Variants in TRMT44 observed in about 807,000 individuals in gnomAD.
TRMT44 encodes the protein probable tRNA (uracil-O(2)-)-methyltransferase.
A neutral mutation model predicts 77.3 loss-of-function variants in TRMT44; 78 were observed. The observed-to-expected ratio is 1.01, with a 90% CI of 0.84 to 1.22. The LOEUF (loss-of-function observed/expected upper bound fraction) is 1.22, where lower values mean the gene tolerates loss of function less well. Among genes scored for constraint, TRMT44 ranks in the 50% most tolerant of loss-of-function variants. The pLI, the probability that TRMT44 is intolerant of heterozygous loss-of-function variation, is 0.00. For missense variants in TRMT44, 1,090 were observed against 964.4 expected, an observed-to-expected ratio of 1.13 and a Z score of -1.73; for synonymous variants, 391 against 383.3, an observed-to-expected ratio of 1.02 and a Z score of -0.23.
In TRMT44 at chr4:8,476,145, C is replaced by A. The variant is rs572482602; in HGVS notation, c.*144C>A. ...TTCTCCACATCCTCACAGTGATGAA[C>A]CGTATTTCATAAACATCACACGCCA... On this transcript the variant is annotated 3_prime_UTR_variant, in exon 11 of 11. Coordinates refer to ENST00000389737, the MANE Select transcript of TRMT44 (RefSeq NM_152544.3). The A allele has an allele frequency of 8.0e-5, 58 of 720,710 alleles. No homozygotes were observed. The highest frequency in any genetic ancestry group is 1.0e-4 in the Non-Finnish European group (46 of 440,548). 44.6% of individuals were successfully genotyped at this position (720,710 alleles called of 1,614,324 possible).
chr4:8,462,828 T>C (rs532815225), intron 6 of TRMT44, among the ~76,000 whole-genome samples: 4 of 152,378 alleles, frequency 2.6e-5, no homozygotes, highest in Non-Finnish European at 5.9e-5. Context: ...ATGTCAGTTA[T>C]GCTTTAATTT....
chr4:8,487,767 G>T (rs1727863490), intron 2 of TRMT44, among the ~76,000 whole-genome samples: 1 of 152,108 alleles, frequency 6.6e-6, no homozygotes, highest in South Asian at 2.1e-4. Context: ...GAGAGAAGGG[G>T]TTGGGGTACT....
the TRMT44 span, among the ~76,000 whole-genome samples, chr4:8,500,781 C>G: frequency 6.6e-6 from 1 of 152,048 alleles, no homozygotes; most frequent in Admixed American, 6.5e-5. Flanking sequence ...CCTCAGCCTC[C>G]CGAGTAGCTG....
intron 2 of TRMT44, among the ~76,000 whole-genome samples, chr4:8,484,396 A>T (rs1011477659): frequency 1.3e-5 from 2 of 152,162 alleles, no homozygotes; most frequent in African/African-American, 4.8e-5. Context: ...GTGAGGAAGA[A>T]CATAGATTTT....
chr4:8,464,049 A>G lies in TRMT44; in HGVS notation c.1268A>G (p.His423Arg), dbSNP rs1663186807. Residue 423 changes from histidine (H) to arginine (R), a missense_variant, in exon 7 of 11, where the codon CAT becomes CGT. Physicochemically the swap from His to Arg is conservative, Grantham distance 29. Transcript: ENST00000389737. ...FPDVDWLIGN[H>R]SDELTPWIPV... ...GATGTTGATTGGTTAATCGGTAACC[A>G]TTCTGATGAACTCACACCATGGATA... 1.9e-6 allele frequency: 3 copies of G among 1,614,050 alleles called. No individual in the cohort carries two copies.
At chr4:8,465,689 T>A in intron 8 of TRMT44, 128 bp downstream of exon 8, 1 of 816,976 alleles carries the variant, frequency 1.2e-6, no homozygotes, top group African/African-American at 1.7e-5. Context: ...GGTGCTGATT[T>A]CTGTGCCTCT....
chr4:8,467,098 C>T lies in TRMT44; in HGVS notation c.1495-816C>T, dbSNP rs190156753. Among the ~76,000 whole-genome samples the T allele has an allele frequency of 8.5e-5, 13 of 152,322 alleles. No individual in the cohort carries two copies. In the East Asian group the frequency reaches 1.9e-3, roughly 23 times the overall value. Reference sequence around the variant, plus strand: ...GAAGGGCACCCTCCATCGGGGTGTGCGGCAAAGGGAGGCAAGCACGCATGG... The same window carrying T: ...GAAGGGCACCCTCCATCGGGGTGTGTGGCAAAGGGAGGCAAGCACGCATGG... On this transcript the variant is annotated intron_variant, in intron 8 of 10. Coordinates refer to ENST00000389737, the MANE Select transcript of TRMT44 (RefSeq NM_152544.3).
In TRMT44 at chr4:8,476,305, G is replaced by A. The variant is rs1029581118; in HGVS notation, c.*304G>A. 3.9e-5 allele frequency: 16 copies of A among 408,776 alleles called. No individual in the cohort carries two copies. Among genetic ancestry groups the A allele is most frequent in the South Asian group, 1.1e-4 (4 of 37,790 alleles). The allele number at this position is 408,776 out of a possible 1,614,324, so 25.3% of individuals were successfully genotyped here. ...CTTACAATGTCTCCTGGGGGAGAGC[G>A]GCTGAGGCTGCCTTGCACAGGCCCT... is the stretch of plus-strand genomic sequence containing the variant. On this transcript the variant is annotated 3_prime_UTR_variant, in exon 11 of 11. Coordinates refer to ENST00000389737, the MANE Select transcript of TRMT44 (RefSeq NM_152544.3).
At chr4:8,486,966 C>T (rs191972892) in intron 2 of TRMT44, among the ~76,000 whole-genome samples, 59 of 152,044 alleles carry the variant, frequency 3.9e-4, no homozygotes, top group African/African-American at 1.0e-3. Context: ...GACTCAGTGA[C>T]GCTTGGGGTT....
chr4:8,481,497 C>A (rs1727612237), downstream of TRMT44, among the ~76,000 whole-genome samples: 1 of 152,220 alleles, frequency 6.6e-6, no homozygotes, highest in African/African-American at 2.4e-5. Context: ...TCTTCGTCGA[C>A]AACCTGATGC....
intron 2 of TRMT44, among the ~76,000 whole-genome samples, chr4:8,492,877 T>C (rs1190699314): frequency 6.6e-6 from 1 of 152,218 alleles, no homozygotes; most frequent in East Asian, 1.9e-4. Context: ...ATACCTTACA[T>C]ATACTGATTG....
the TRMT44 span, chr4:8,511,152 C>T: frequency 1.2e-4 from 18 of 152,388 alleles, no homozygotes; most frequent in African/African-American, 4.1e-4. Context: ...GGGGAAGTGT[C>T]TATGCTTAGT....
chr4:8,466,863 T>G (rs1726591330), intron 8 of TRMT44, among the ~76,000 whole-genome samples: 1 of 152,174 alleles, frequency 6.6e-6, no homozygotes, highest in South Asian at 2.1e-4. Flanking sequence ...ACAGCACATG[T>G]CTGGTGGGGA....
chr4:8,469,178 C>G (rs535715451), intron 9 of TRMT44, among the ~76,000 whole-genome samples: 1 of 152,224 alleles, frequency 6.6e-6, no homozygotes, highest in Non-Finnish European at 1.5e-5. Context: ...GGGATGGGAC[C>G]GGGCCATGGA....
chr4:8,481,554 C>G (rs1727613832), downstream of TRMT44, among the ~76,000 whole-genome samples: 1 of 152,216 alleles, frequency 6.6e-6, no homozygotes, highest in Admixed American at 6.5e-5. Flanking sequence ...CTTTCCTGTC[C>G]CGCTGCTGCC....
intron 2 of TRMT44, among the ~76,000 whole-genome samples, chr4:8,487,532 G>A (rs1727849890): frequency 6.6e-6 from 1 of 151,602 alleles, no homozygotes; most frequent in South Asian, 2.1e-4. Flanking sequence ...GGGGTGTAGA[G>A]GTAAGAGGTC....
intron 10 of TRMT44, 29 bp downstream of exon 10, chr4:8,471,229 C>T: frequency 7.2e-7 from 1 of 1,380,192 alleles, no homozygotes; most frequent in Non-Finnish European, 9.9e-7. Flanking sequence ...CCCCGCCGTT[C>T]TTTCCTTCTT....
Position 8,440,956 on chromosome 4 carries a change from C to T in TRMT44, c.134C>T (p.Ala45Val). 1.3e-6 allele frequency: 2 copies of T among 1,529,002 alleles called. No homozygotes were observed. Among genetic ancestry groups the T allele is most frequent in the Non-Finnish European group, 1.7e-6 (2 of 1,144,942 alleles). The allele number at this position is 1,529,002 out of a possible 1,614,324, so 94.7% of individuals were successfully genotyped here. Residue 45 changes from alanine to valine, a missense_variant, in exon 1 of 11, where the codon GCC becomes GTC. Transcript: ENST00000389737. The part of the protein sequence containing the change: ...NKRLCGARLE[A>V]RWSAALPCAE... ...CGGCTTTGCGGCGCCCGCCTGGAGG[C>T]CCGCTGGAGCGCCGCCCTGCCCTGC...
In TRMT44 at chr4:8,468,170, C is replaced by A; in HGVS notation, c.1751C>A (p.Pro584His). The A allele has an allele frequency of 1.2e-6, 2 of 1,614,118 alleles. No individual in the cohort carries two copies. The change falls in exon 9 of 11, where the codon CCC becomes CAC. Residue 584 changes from proline to histidine, a missense_variant. Pro to His is a moderately conservative substitution (Grantham distance 77). Transcript: ENST00000389737. Reference protein sequence around the residue: ...EHGAGPQAEGPWLPGFHPREK... With the variant: ...EHGAGPQAEGHWLPGFHPREK... ...GGAGCAGGGCCCCAGGCTGAAGGAC[C>A]CTGGCTACCTGGATTTCATCCCAGA...
Sources: gnomAD v4.1 joint callset for allele counts (sites outside exome capture counted in the v4.1 genomes callset) on GRCh38, gnomAD v4.1.1 for gene constraint, MANE v1.5 for transcripts, NCBI Gene and HGNC (gene_info 2026-07-23, HGNC 2026-07-21) for gene names.